The following GLE1 variants were observed in gnomAD, a reference collection of about 807,000 sequenced individuals.
The protein encoded by GLE1 is GLE1 RNA export mediator.
A neutral mutation model predicts 97.3 loss-of-function variants in GLE1; 78 were observed. That is an observed-to-expected ratio of 0.80 (90% CI 0.67 to 0.97). The LOEUF (loss-of-function observed/expected upper bound fraction) is 0.97. Ranked by LOEUF, GLE1 falls within the 50% of genes least tolerant of loss-of-function variation. GLE1 has a pLI of 0.00. For missense variants in GLE1, 753 were observed against 857.5 expected (o/e 0.88, Z 1.52); for synonymous variants, 302 against 313.4 (o/e 0.96, Z 0.39).
intron 9 of GLE1, among the ~76,000 whole-genome samples, chr9:128,529,400 T>C (rs1001400161): frequency 1.3e-5 from 2 of 152,202 alleles, no homozygotes; most frequent in African/African-American, 4.8e-5. Flanking sequence ...TCTGCCCTTG[T>C]TCCCTTTCCT....
chr9:128,539,016 G>A (rs1201995251), intron 13 of GLE1, among the ~76,000 whole-genome samples: 3 of 152,126 alleles, frequency 2.0e-5, no homozygotes, highest in Non-Finnish European at 2.9e-5. Flanking sequence ...CAAGGCAGGC[G>A]GATCACTTGA....
rs1847838444 is a variant in GLE1, at chr9:128,539,992, G to A, written c.1965-283G>A. ...TGCAGCTCTTTGGGAGGCCACAGGA[G>A]GAGGATCACTTGAGCCCAGGTGTTC... On this transcript the variant is annotated intron_variant, in intron 14 of 15. Coordinates refer to ENST00000309971, the MANE Select transcript of GLE1 (RefSeq NM_001003722.2). The A allele has an allele frequency of 6.8e-6, 5 of 733,280 alleles. No individual in the cohort carries two copies. In the Admixed American group the frequency reaches 1.4e-4, roughly 21 times the overall value. The allele number at this position is 733,280 out of a possible 1,614,324, so 45.4% of individuals were successfully genotyped here.
At chr9:128,536,534 A>C in intron 12 of GLE1, 50 bp downstream of exon 12, 2 of 1,503,256 alleles carry the variant, frequency 1.3e-6, no homozygotes, top group Non-Finnish European at 1.9e-6. Context: ...ACCACAGTCC[A>C]TGTGTATTCC....
chr9:128,509,335 AT>A lies in GLE1; in HGVS notation c.321+251del, dbSNP rs527681085. ...TATAACTAATTTCATGAGCAATTGG[AT>A]TTTTTTTTTTTTCTGATGAACGCTG... is the stretch of plus-strand genomic sequence containing the variant. On this transcript the variant is annotated intron_variant, in intron 2 of 15. Transcript: ENST00000309971. Among the ~76,000 whole-genome samples, 627 of 143,314 alleles carry A rather than the reference AT, an allele frequency of 4.4e-3. 22 individuals are homozygous for A. In the East Asian group the frequency reaches 0.08, roughly 18 times the overall value. The allele number at this position is 143,314 out of a possible 152,430, so 94.0% of individuals were successfully genotyped here.
chr9:128,529,331 C>T (rs577153963), intron 9 of GLE1, among the ~76,000 whole-genome samples: 43 of 152,280 alleles, frequency 2.8e-4, no homozygotes, highest in African/African-American at 9.9e-4. Flanking sequence ...TGACATTTAC[C>T]TCTTAGTCTC....
At chr9:128,540,543 CCTGTGAG>C in intron 15 of GLE1, 1 of 594,126 alleles carries the variant, frequency 1.7e-6, no homozygotes, top group South Asian at 1.9e-5. Context: ...CTCTATACTG[CCTGTGAG>C]AAAGCTATGC....
chr9:128,523,168 A>C (rs952344848), intron 4 of GLE1, 112 bp from the exon 5 acceptor site: 12 of 871,820 alleles, frequency 1.4e-5, no homozygotes, highest in Admixed American at 3.5e-5. Context: ...CCCCATCTCT[A>C]AGAAAAAGGG....
chr9:128,540,257 GTCTT>G lies in GLE1; in HGVS notation c.1965-14_1965-11del. 6.4e-7 allele frequency: 1 copy of G among 1,550,968 alleles called. No individual in the cohort carries two copies. The highest frequency in any genetic ancestry group is 8.9e-7 in the Non-Finnish European group (1 of 1,122,610). ...TGTATATCATAGGTGTGATTCATGT[GTCTT>G]TCTCTCCCTGTAGAATTGAAGCTAT... On this transcript the variant is annotated splice_polypyrimidine_tract_variant and intron_variant, in intron 14 of 15. Coordinates refer to ENST00000309971, the MANE Select transcript of GLE1 (RefSeq NM_001003722.2).
intron 2 of GLE1, among the ~76,000 whole-genome samples, chr9:128,511,744 A>G (rs10988012): frequency 0.27 from 41,030 of 151,740 alleles, 6,185 homozygotes; most frequent in East Asian, 0.47. Flanking sequence ...GGACTTAAAC[A>G]TAAAAAAAAA....
At chr9:128,539,421 T>A (rs1205825228) in intron 13 of GLE1, among the ~76,000 whole-genome samples, 195 bp from the exon 14 acceptor site, 2 of 152,202 alleles carry the variant, frequency 1.3e-5, no homozygotes, top group Non-Finnish European at 2.9e-5. Flanking sequence ...TAAATGGAGA[T>A]ATTGCCATAT....
Position 128,529,351 on chromosome 9 carries a change from T to C in GLE1, c.1312+1826T>C, listed in dbSNP as rs1282774540. ...TTTACCTCTTAGTCTCCTGTGTCACTGGATGAGGCGTCCTTGCTGCTGGGC... is the reference window on the plus strand; with the variant it reads ...TTTACCTCTTAGTCTCCTGTGTCACCGGATGAGGCGTCCTTGCTGCTGGGC... On this transcript the variant is annotated intron_variant, in intron 9 of 15. Coordinates refer to ENST00000309971, the MANE Select transcript of GLE1 (RefSeq NM_001003722.2). 5.9e-5 allele frequency among the ~76,000 whole-genome samples: 9 copies of C among 152,246 alleles called. No individual in the cohort carries two copies. The East Asian group carries it at 1.7e-3, about 29-fold the overall frequency.
At chr9:128,529,841 A>G (rs1389556377) in intron 9 of GLE1, among the ~76,000 whole-genome samples, 1 of 150,958 alleles carries the variant, frequency 6.6e-6, no homozygotes, top group South Asian at 2.1e-4. Context: ...CAGTGGCACT[A>G]TATCGGCTCA....
chr9:128,514,057 G>T (rs1037745080), intron 2 of GLE1, among the ~76,000 whole-genome samples: 1 of 150,956 alleles, frequency 6.6e-6, no homozygotes, highest in African/African-American at 2.4e-5. Context: ...AAAAAAATAG[G>T]CCAGGCATAG....
intron 13 of GLE1, among the ~76,000 whole-genome samples, chr9:128,539,304 G>A (rs1352407691): frequency 6.6e-6 from 1 of 152,054 alleles, no homozygotes; most frequent in Admixed American, 6.6e-5. Context: ...GAACACAAGT[G>A]GTATTCTGTA....
At chr9:128,507,284 G>T (rs185642299) in intron 1 of GLE1, among the ~76,000 whole-genome samples, 196 of 152,110 alleles carry the variant, frequency 1.3e-3, no homozygotes, top group Middle Eastern at 6.8e-3. Context: ...AGTGCTTGAG[G>T]CCAGTTCAAG....
Position 128,527,507 on chromosome 9 carries a change from C to G in GLE1, c.1294C>G (p.Gln432Glu). ...LQKAATIPVSQISTIAGSKLK... is the reference protein window; with the variant it reads ...LQKAATIPVSEISTIAGSKLK... ...GAAGGCTGCTACCATCCCAGTGAGC[C>G]AAATCTCTACCATTGCAGGTTGGTC... Residue 432 changes from glutamine (Q) to glutamate (E), a missense_variant, in exon 9 of 16, where the codon CAA becomes GAA. Transcript: ENST00000309971. The G allele has an allele frequency of 6.2e-7, 1 of 1,610,424 alleles. No homozygotes were observed. Among genetic ancestry groups the G allele is most frequent in the South Asian group, 1.1e-5 (1 of 91,008 alleles).
intron 2 of GLE1, among the ~76,000 whole-genome samples, chr9:128,514,445 C>CT (rs772047006): frequency 0.016 from 2,181 of 132,694 alleles, 67 homozygotes; most frequent in African/African-American, 0.047. Flanking sequence ...GGATAGCAGA[C>CT]TTTTTTTTTT....
intron 1 of GLE1, among the ~76,000 whole-genome samples, chr9:128,506,048 A>G (rs887594574): frequency 6.6e-6 from 1 of 152,274 alleles, no homozygotes; most frequent in African/African-American, 2.4e-5. Context: ...GCTTGTATCA[A>G]AATAATCACA....
At chr9:128,512,687 T>TA (rs1256316916) in intron 2 of GLE1, among the ~76,000 whole-genome samples, 2 of 151,708 alleles carry the variant, frequency 1.3e-5, no homozygotes, top group African/African-American at 4.8e-5. Context: ...TTTTTTTTAA[T>TA]ATGGAGTTTC....
Sources: gnomAD v4.1 joint callset for allele counts (sites outside exome capture counted in the v4.1 genomes callset) on GRCh38, gnomAD v4.1.1 for gene constraint, MANE v1.5 for transcripts, NCBI Gene and HGNC (gene_info 2026-07-23, HGNC 2026-07-21) for gene names.